FOXP2: variants seen among roughly 807,000 people sequenced by gnomAD.
FOXP2 encodes forkhead box protein P2.
In FOXP2, 12 loss-of-function variants were observed where a neutral mutation model predicts 115.8. That is an observed-to-expected ratio of 0.10 (90% CI 0.07 to 0.17). FOXP2 has a LOEUF of 0.17. Among genes scored for constraint, FOXP2 ranks in the 10% least tolerant of loss-of-function variants. FOXP2 has a pLI of 1.00. For missense variants in FOXP2, 629 were observed against 843.5 expected, an observed-to-expected ratio of 0.75 and a Z score of 3.15; for synonymous variants, 328 against 297.7, an observed-to-expected ratio of 1.10 and a Z score of -1.05.
rs556781424 is a variant in FOXP2, at chr7:114,345,514, C to A, written c.-11+57405C>A. Among the ~76,000 whole-genome samples the A allele has an allele frequency of 1.5e-4, 23 of 151,824 alleles. No homozygotes were observed. The East Asian group carries it at 4.5e-3, about 29-fold the overall frequency. ...AAGTCTGCAAAGGCATTCCTTAATG[C>A]TTTTTCTTTCTTTCTTTTCTGGCAG... On this transcript the variant is annotated intron_variant, in intron 2 of 17. Coordinates refer to the FOXP2 transcript ENST00000634411.
Position 114,642,465 on chromosome 7 carries a change from C to T in FOXP2, c.831C>T (p.His277=). 6.2e-7 allele frequency: 1 copy of T among 1,613,674 alleles called. No homozygotes were observed. The highest frequency in any genetic ancestry group is 1.1e-5 in the South Asian group (1 of 91,078). ...QQLWKEVTGV[H]SMEDNGIKHG... ...TATGGAAAGAAGTGACTGGAGTTCA[C>T]AGTATGGAAGACAATGGCATTAAAC... Residue 277 remains histidine (H), a synonymous_variant, in exon 7 of 17, where the codon CAC becomes CAT. Transcript: ENST00000350908.
intron 2 of FOXP2, among the ~76,000 whole-genome samples, chr7:114,318,726 TAC>T (rs1554367734): frequency 4.2e-4 from 64 of 151,184 alleles, no homozygotes; most frequent in African/African-American, 1.5e-3. Flanking sequence ...TATATATATA[TAC>T]ACACACACGC....
At chr7:114,670,646 TATA>T (rs1388386678) in intron 16 of FOXP2, among the ~76,000 whole-genome samples, 2 of 152,126 alleles carry the variant, frequency 1.3e-5, no homozygotes, top group Non-Finnish European at 2.9e-5. Context: ...AACATAAGTA[TATA>T]ATATTACATT....
At chr7:114,330,148 C>T (rs1797664649) in intron 2 of FOXP2, among the ~76,000 whole-genome samples, 1 of 152,002 alleles carries the variant, frequency 6.6e-6, no homozygotes, top group South Asian at 2.1e-4. Flanking sequence ...GACATTATCC[C>T]TATGTCATGC....
chr7:114,152,170 G>C (rs1285938934), intron 1 of FOXP2, among the ~76,000 whole-genome samples: 3 of 152,120 alleles, frequency 2.0e-5, no homozygotes, highest in Non-Finnish European at 4.4e-5. Flanking sequence ...TTAAAATACA[G>C]TATCTGGTAT....
At chr7:114,685,552 G>T (rs1279180065) in intron 16 of FOXP2, among the ~76,000 whole-genome samples, 1 of 152,072 alleles carries the variant, frequency 6.6e-6, no homozygotes, top group Non-Finnish European at 1.5e-5. Flanking sequence ...CCCACAGTGT[G>T]CAATAATGGC....
At chr7:114,179,340 T>C (rs1315256729) in intron 1 of FOXP2, among the ~76,000 whole-genome samples, 4 of 151,964 alleles carry the variant, frequency 2.6e-5, no homozygotes, top group African/African-American at 7.2e-5. Context: ...AATGTGTGTA[T>C]TGTTTATATG....
At chr7:114,223,761 C>G (rs1277421636) in intron 1 of FOXP2, among the ~76,000 whole-genome samples, 1 of 151,038 alleles carries the variant, frequency 6.6e-6, no homozygotes, top group Admixed American at 6.6e-5. Flanking sequence ...CAGGTGTAAG[C>G]CACTGAACCT....
intron 1 of FOXP2, among the ~76,000 whole-genome samples, chr7:114,112,971 GATTA>G (rs1459803525): frequency 1.3e-5 from 2 of 152,154 alleles, no homozygotes; most frequent in East Asian, 3.9e-4. Context: ...AAAAAATTCA[GATTA>G]ATTTCAGAGT....
chr7:114,279,119 T>C (rs1276753359), intron 1 of FOXP2, among the ~76,000 whole-genome samples: 3 of 152,188 alleles, frequency 2.0e-5, no homozygotes, highest in Admixed American at 1.3e-4. Flanking sequence ...TAAATTTAAA[T>C]TGCTTTAATA....
intron 7 of FOXP2, 85 bp from the exon 8 acceptor site, chr7:114,644,599 CA>C: frequency 9.0e-7 from 1 of 1,111,964 alleles, no homozygotes; most frequent in Non-Finnish European, 1.4e-6. Context: ...ACCTGTTTGT[CA>C]CTGATCGTAA....
intron 3 of FOXP2, among the ~76,000 whole-genome samples, 166 bp downstream of exon 3, chr7:114,534,872 AT>A (rs553357760): frequency 4.6e-5 from 7 of 151,888 alleles, no homozygotes; most frequent in Non-Finnish European, 1.0e-4. Flanking sequence ...GGAGAAAAAA[AT>A]AATATTCTAT....
chr7:114,212,277 T>A (rs909797974), intron 1 of FOXP2, among the ~76,000 whole-genome samples: 2 of 152,016 alleles, frequency 1.3e-5, no homozygotes, highest in African/African-American at 4.8e-5. Flanking sequence ...TAAGAAGGCA[T>A]GCCATATTAT....
Position 114,653,985 on chromosome 7 carries a change from A to G in FOXP2, c.1242A>G (p.Ser414=). 8.1e-6 allele frequency: 13 copies of G among 1,613,402 alleles called. No homozygotes were observed. The highest frequency in any genetic ancestry group is 1.1e-5 in the Non-Finnish European group (13 of 1,179,484). ...TGACCCACTTGCACATGCGACCCTCAGAGCCCAAACCATCTCCCAAACCTG... is the reference window on the plus strand; with the variant it reads ...TGACCCACTTGCACATGCGACCCTCGGAGCCCAAACCATCTCCCAAACCTG... ...AMMTHLHMRP[S]EPKPSPKPLN... is the part of the protein sequence containing the mutation. The change falls in exon 10 of 17, where the codon TCA becomes TCG. Residue 414 remains serine (S), a synonymous_variant. Transcript: ENST00000350908.
intron 16 of FOXP2, among the ~76,000 whole-genome samples, chr7:114,671,386 T>C (rs908789479): frequency 1.3e-5 from 2 of 152,146 alleles, no homozygotes; most frequent in African/African-American, 4.8e-5. Context: ...TGTGGGTTCC[T>C]ATAGGGTTTT....
At chr7:114,204,192 G>A (rs972941402) in intron 1 of FOXP2, among the ~76,000 whole-genome samples, 1 of 152,074 alleles carries the variant, frequency 6.6e-6, no homozygotes, top group Non-Finnish European at 1.5e-5. Context: ...AAAATAAAAA[G>A]CGGTGAAACT....
chr7:114,492,304 C>T (rs58527150), intron 2 of FOXP2, among the ~76,000 whole-genome samples: 3,846 of 151,760 alleles, frequency 0.025, 124 homozygotes, highest in African/African-American at 0.074. Context: ...TTCTCTCTTT[C>T]CTTCTTTATT....
chr7:114,367,545 A>C (rs181999269), intron 2 of FOXP2, among the ~76,000 whole-genome samples: 1 of 152,270 alleles, frequency 6.6e-6, no homozygotes, highest in African/African-American at 2.4e-5. Context: ...GACTAATAGA[A>C]CTATGAACTA....
chr7:114,418,373 C>T (rs1274185551), intron 1 of FOXP2, among the ~76,000 whole-genome samples: 5 of 151,948 alleles, frequency 3.3e-5, no homozygotes, highest in Admixed American at 6.6e-5. Flanking sequence ...TAACTGGAAA[C>T]GTCATGATGA....
Sources: gnomAD v4.1 joint callset for allele counts (sites outside exome capture counted in the v4.1 genomes callset) on GRCh38, gnomAD v4.1.1 for gene constraint, MANE v1.5 for transcripts, NCBI Gene and HGNC (gene_info 2026-07-23, HGNC 2026-07-21) for gene names.